The following ZPR1 variants were observed in gnomAD, a reference collection of about 807,000 sequenced individuals.
The protein encoded by ZPR1 is zinc finger protein ZPR1.
Under a neutral mutation model 59.6 loss-of-function variants are expected in ZPR1, and 37 were observed. The observed-to-expected ratio is 0.62, with a 90% CI of 0.48 to 0.82. The LOEUF (loss-of-function observed/expected upper bound fraction) is 0.82, where lower values mean the gene tolerates loss of function less well. ZPR1 is among the 40% of genes least tolerant of loss of function. The pLI is 0.00. For synonymous variants in ZPR1, 191 were observed against 215.2 expected (o/e 0.89, Z 0.99); for missense variants, 527 against 579.9 (o/e 0.91, Z 0.94).
intron 10 of ZPR1, 48 bp from the exon 11 acceptor site, chr11:116,783,077 GCCAA>G (rs1565321154): frequency 1.0e-5 from 15 of 1,451,802 alleles, no homozygotes; most frequent in Non-Finnish European, 1.5e-5. Context: ...AGCAAAGAAA[GCCAA>G]CCAGAGGCCT....
chr11:116,787,204 A>C (rs1940901240), intron 2 of ZPR1, 145 bp from the exon 3 acceptor site: 2 of 770,580 alleles, frequency 2.6e-6, no homozygotes, highest in South Asian at 3.3e-5. Flanking sequence ...GCTCCTTTCG[A>C]ATAGTACAGG....
At chr11:116,783,344 G>C (rs1005758205) in intron 10 of ZPR1, among the ~76,000 whole-genome samples, 186 bp downstream of exon 10, 1 of 152,194 alleles carries the variant, frequency 6.6e-6, no homozygotes, top group African/African-American at 2.4e-5. Flanking sequence ...AGAGCTAACA[G>C]GGTCACCTTC....
chr11:116,785,472 G>A (rs771446747), intron 6 of ZPR1, 42 bp downstream of exon 6: 43 of 1,606,300 alleles, frequency 2.7e-5, no homozygotes, highest in East Asian at 4.5e-5. Flanking sequence ...CAGAGTGCGC[G>A]ATAATTCCAG....
In ZPR1 at chr11:116,784,299, G is replaced by T. The variant is rs528380636; in HGVS notation, c.891+79C>A. On this transcript the variant is annotated intron_variant, in intron 9 of 13. Coordinates refer to ENST00000227322, the MANE Select transcript of ZPR1 (RefSeq NM_003904.5). ...TCTACACCCCCTGCCCCCGAGTACTGAAGTACTTAGGAAGAATGATAGTTA... is the reference window on the plus strand; with the variant it reads ...TCTACACCCCCTGCCCCCGAGTACTTAAGTACTTAGGAAGAATGATAGTTA... 8.8e-5 allele frequency: 127 copies of T among 1,450,950 alleles called. 1 individual carries two copies. In the African/African-American group the frequency reaches 1.7e-3, roughly 19 times the overall value. 89.9% of individuals were successfully genotyped at this position (1,450,950 alleles called of 1,614,324 possible).
chr11:116,787,326 G>A, intron 2 of ZPR1, 156 bp downstream of exon 2: 1 of 775,776 alleles, frequency 1.3e-6, no homozygotes, highest in South Asian at 1.8e-5. Context: ...TATCTCACTT[G>A]AGCTGATGAC....
chr11:116,774,263 G>A lies in ZPR1; in HGVS notation c.*4662C>T, dbSNP rs1031167428. 5.3e-5 allele frequency: 8 copies of A among 152,094 alleles called. No homozygotes were observed. Among genetic ancestry groups the A allele is most frequent in the African/African-American group, 1.9e-4 (8 of 41,410 alleles). The allele number at this position is 152,094 out of a possible 1,614,324, so 9.4% of individuals were successfully genotyped here. On this transcript the variant is annotated 3_prime_UTR_variant, in exon 14 of 14. Coordinates refer to ENST00000227322, the MANE Select transcript of ZPR1 (RefSeq NM_003904.5). ...GCAAATTTGTCTTAGCAAACTTCAA[G>A]TAAACAATACAGAATTATTAGCTAT... is the stretch of plus-strand genomic sequence containing the variant.
In ZPR1 at chr11:116,783,629, T is replaced by C. The variant is rs1292907253; in HGVS notation, c.892-10A>G. The stretch of plus-strand genomic sequence containing the variant: ...CTCCTCCAGATTTCACCTGCATCGA[T>C]AACAGTCAGGAGCAACAGAGAGAAG... On this transcript the variant is annotated splice_polypyrimidine_tract_variant and intron_variant, in intron 9 of 13. Coordinates refer to ENST00000227322, the MANE Select transcript of ZPR1 (RefSeq NM_003904.5). The C allele has an allele frequency of 2.5e-6, 4 of 1,612,812 alleles. No homozygotes were observed. Among genetic ancestry groups the C allele is most frequent in the Non-Finnish European group, 2.5e-6 (3 of 1,178,834 alleles).
chr11:116,774,437 A>G lies in ZPR1; in HGVS notation c.*4488T>C, dbSNP rs1940695007. On this transcript the variant is annotated 3_prime_UTR_variant, in exon 14 of 14. Coordinates refer to ENST00000227322, the MANE Select transcript of ZPR1 (RefSeq NM_003904.5). The stretch of plus-strand genomic sequence containing the variant: ...ACACAACTACACAAAAGTGCAAACA[A>G]TAGTTTCTTGGACCAAGAGTCAAAA... The G allele has an allele frequency of 6.6e-6, 1 of 152,146 alleles. No individual in the cohort carries two copies. The highest frequency in any genetic ancestry group is 2.4e-5 in the African/African-American group (1 of 41,426). The allele number at this position is 152,146 out of a possible 1,614,324, so 9.4% of individuals were successfully genotyped here. A position where few individuals can be genotyped will look rare whatever the true frequency, so the allele number is the denominator to read the frequency against.
Position 116,778,861 on chromosome 11 carries a change from C to A in ZPR1, c.*64G>T. The stretch of plus-strand genomic sequence containing the variant: ...AGACACTCCCAGCCTTCGCCTTCAT[C>A]CAATACTAATAAATAACCTACAGAA... On this transcript the variant is annotated 3_prime_UTR_variant, in exon 14 of 14. Transcript: ENST00000227322. The A allele has an allele frequency of 6.3e-7, 1 of 1,581,078 alleles. No individual in the cohort carries two copies. The highest frequency in any genetic ancestry group is 1.1e-5 in the South Asian group (1 of 87,208).
intron 13 of ZPR1, 33 bp downstream of exon 13, chr11:116,779,739 T>A: frequency 6.8e-7 from 1 of 1,467,918 alleles, no homozygotes. Context: ...AGAAAATGTA[T>A]CTCTATGAAA....
At chr11:116,782,313 G>A in intron 11 of ZPR1, 69 bp from the exon 12 acceptor site, 2 of 1,411,016 alleles carry the variant, frequency 1.4e-6, no homozygotes, top group South Asian at 2.4e-5. Context: ...CCATAAACTA[G>A]GCAGGGGGTG....
At chr11:116,782,416 T>G (rs1940821639) in intron 11 of ZPR1, among the ~76,000 whole-genome samples, 172 bp from the exon 12 acceptor site, 1 of 152,196 alleles carries the variant, frequency 6.6e-6, no homozygotes, top group Non-Finnish European at 1.5e-5. Flanking sequence ...TATGGGATAA[T>G]GTGCCAAGAT....
intron 13 of ZPR1, 111 bp downstream of exon 13, chr11:116,779,661 T>G: frequency 1.3e-6 from 1 of 791,004 alleles, no homozygotes. Flanking sequence ...GCCTCCTTGG[T>G]AAAAAGCAGT....
At chr11:116,782,328 T>G in intron 11 of ZPR1, 84 bp from the exon 12 acceptor site, 1 of 1,216,176 alleles carries the variant, frequency 8.2e-7, no homozygotes, top group Non-Finnish European at 1.2e-6. Context: ...GGGGTGACAG[T>G]GGGTGCCCTG....
At chr11:116,785,725 T>A in intron 5 of ZPR1, 71 bp downstream of exon 5, 1 of 1,612,444 alleles carries the variant, frequency 6.2e-7, no homozygotes. Context: ...GGCATCACAG[T>A]GGAAAATCCC....
At position 116,776,547 on chromosome 11, in the gene ZPR1, G is replaced by A. The variant is rs918603527; in HGVS notation, c.*2378C>T. ...AGCTGAAAGATAATTCAAGAGAAGG[G>A]TATGAAACTGAAGAATGCCTTGTCA... is the stretch of plus-strand genomic sequence containing the variant. On this transcript the variant is annotated 3_prime_UTR_variant, in exon 14 of 14. Transcript: ENST00000227322. 9 of 152,194 alleles carry A rather than the reference G, an allele frequency of 5.9e-5. No individual in the cohort carries two copies. Among genetic ancestry groups the A allele is most frequent in the African/African-American group, 2.2e-4 (9 of 41,434 alleles). The allele number at this position is 152,194 out of a possible 1,614,324, so 9.4% of individuals were successfully genotyped here. A position where few individuals can be genotyped will look rare whatever the true frequency, so the allele number is the denominator to read the frequency against.
At chr11:116,785,724 G>A (rs1429542745) in intron 5 of ZPR1, 72 bp downstream of exon 5, 2 of 1,612,110 alleles carry the variant, frequency 1.2e-6, no homozygotes, top group Admixed American at 1.7e-5. Flanking sequence ...AGGCATCACA[G>A]TGGAAAATCC....
intron 13 of ZPR1, among the ~76,000 whole-genome samples, chr11:116,779,357 C>T (rs1273106921): frequency 6.6e-6 from 1 of 152,132 alleles, no homozygotes; most frequent in Non-Finnish European, 1.5e-5. Flanking sequence ...AAGAGTTTTG[C>T]CTGACCCATG....
At chr11:116,787,737 G>A (rs141321841) in intron 1 of ZPR1, 83 bp downstream of exon 1, 145 of 1,524,418 alleles carry the variant, frequency 9.5e-5, no homozygotes, top group Non-Finnish European at 1.2e-4. Flanking sequence ...CCCCGGCCGG[G>A]CCCACCTGGC....
Sources: gnomAD v4.1 joint callset for allele counts (sites outside exome capture counted in the v4.1 genomes callset) on GRCh38, gnomAD v4.1.1 for gene constraint, MANE v1.5 for transcripts, NCBI Gene and HGNC (gene_info 2026-07-23, HGNC 2026-07-21) for gene names.